The following NAV2 variants were observed in gnomAD, a reference collection of about 807,000 sequenced individuals.
NAV2 encodes neuron navigator 2, also known as helicase, APC down-regulated 1.
A neutral mutation model predicts 223.2 loss-of-function variants in NAV2; 54 were observed. The ratio of observed to expected loss-of-function variants is 0.24; its 90% CI spans 0.19 to 0.30. NAV2 has a LOEUF of 0.30. Among genes scored for constraint, NAV2 ranks in the 10% least tolerant of loss-of-function variants. NAV2 has a pLI of 1.00. For missense variants in NAV2, 2,806 were observed against 3,147.5 expected (o/e 0.89, Z 2.60); for synonymous variants, 1,279 against 1,239.3 (o/e 1.03, Z -0.67).
intron 1 of NAV2, among the ~76,000 whole-genome samples, chr11:19,576,999 G>A (rs969289662): frequency 6.6e-6 from 1 of 152,182 alleles, no homozygotes; most frequent in African/African-American, 2.4e-5. Context: ...GTATCTTACA[G>A]CAGGAATTTG....
At chr11:19,460,757 C>T (rs370472650) in intron 1 of NAV2, among the ~76,000 whole-genome samples, 7 of 151,948 alleles carry the variant, frequency 4.6e-5, no homozygotes, top group East Asian at 3.9e-4. Flanking sequence ...CTGCATGTTG[C>T]GCACATGTAT....
chr11:19,766,103 T>C (rs889854778), intron 1 of NAV2, among the ~76,000 whole-genome samples: 2 of 151,948 alleles, frequency 1.3e-5, no homozygotes, highest in African/African-American at 4.8e-5. Flanking sequence ...TATATCCATA[T>C]AAGGACAATT....
At chr11:19,664,854 A>C (rs2048369162) in intron 1 of NAV2, among the ~76,000 whole-genome samples, 1 of 152,212 alleles carries the variant, frequency 6.6e-6, no homozygotes, top group Non-Finnish European at 1.5e-5. Flanking sequence ...TGTGCTAGAC[A>C]TATTTATATT....
At chr11:19,654,073 C>T (rs560311847) in intron 1 of NAV2, among the ~76,000 whole-genome samples, 5 of 152,294 alleles carry the variant, frequency 3.3e-5, no homozygotes, top group Non-Finnish European at 7.3e-5. Context: ...GTGCAAAAAC[C>T]ACAAGCATTC....
chr11:19,859,554 A>C (rs1038144200), intron 3 of NAV2, among the ~76,000 whole-genome samples: 4 of 151,444 alleles, frequency 2.6e-5, no homozygotes, highest in Non-Finnish European at 5.9e-5. Flanking sequence ...CTACACAGAC[A>C]CGGCAACCAT....
intron 1 of NAV2, among the ~76,000 whole-genome samples, chr11:19,545,086 C>G (rs1476358202): frequency 6.6e-6 from 1 of 152,220 alleles, no homozygotes; most frequent in African/African-American, 2.4e-5. Context: ...CCCTTTCCCT[C>G]CCATGAAGTC....
intron 7 of NAV2, among the ~76,000 whole-genome samples, chr11:19,936,355 C>T (rs746999099): frequency 1.3e-4 from 19 of 151,872 alleles, no homozygotes; most frequent in Non-Finnish European, 2.2e-4. Context: ...TTTTGTTGTT[C>T]GCTATAATCA....
At chr11:20,074,444 T>C (rs2153650830) in intron 22 of NAV2, among the ~76,000 whole-genome samples, 1 of 152,352 alleles carries the variant, frequency 6.6e-6, no homozygotes, top group South Asian at 2.1e-4. Context: ...AGATGTCTAT[T>C]AGGTGTGCTT....
At chr11:19,831,967 G>C (rs755535147) in intron 1 of NAV2, among the ~76,000 whole-genome samples, 1 of 152,268 alleles carries the variant, frequency 6.6e-6, no homozygotes, top group Non-Finnish European at 1.5e-5. Flanking sequence ...AATTGAAGGG[G>C]CTCTGTTTTC....
intron 32 of NAV2, among the ~76,000 whole-genome samples, chr11:20,102,917 C>T (rs1189567847): frequency 6.6e-6 from 1 of 152,194 alleles, no homozygotes; most frequent in African/African-American, 2.4e-5. Context: ...GGCTCCTCTG[C>T]TGCTCTGATG....
chr11:19,757,361 G>A (rs966524476), intron 1 of NAV2, among the ~76,000 whole-genome samples: 2 of 152,146 alleles, frequency 1.3e-5, no homozygotes, highest in African/African-American at 2.4e-5. Flanking sequence ...CAGCATGGCA[G>A]AGTTTCTCCA....
chr11:19,424,297 C>A (rs1038291767), intron 1 of NAV2, among the ~76,000 whole-genome samples: 1 of 152,128 alleles, frequency 6.6e-6, no homozygotes, highest in Admixed American at 6.5e-5. Context: ...ATTACTAGTT[C>A]TCTAAGTATT....
intron 11 of NAV2, among the ~76,000 whole-genome samples, chr11:19,993,879 CT>C (rs1452676363): frequency 1.3e-5 from 2 of 152,212 alleles, no homozygotes; most frequent in Non-Finnish European, 2.9e-5. Flanking sequence ...TTAGAATTTA[CT>C]GAGCACCTAC....
intron 5 of NAV2, among the ~76,000 whole-genome samples, chr11:19,891,625 C>G (rs1342664142): frequency 6.6e-6 from 1 of 152,134 alleles, no homozygotes; most frequent in Non-Finnish European, 1.5e-5. Context: ...CAAAATAATG[C>G]CTTTGGAGAC....
At chr11:20,108,960 T>C (rs974853894) in intron 36 of NAV2, among the ~76,000 whole-genome samples, 1 of 152,188 alleles carries the variant, frequency 6.6e-6, no homozygotes, top group Admixed American at 6.5e-5. Context: ...TTCCAAGAGT[T>C]TTTTTGTTTC....
At chr11:20,085,058 G>C (rs1473165177) in intron 26 of NAV2, among the ~76,000 whole-genome samples, 1 of 117,588 alleles carries the variant, frequency 8.5e-6, no homozygotes, top group Non-Finnish European at 1.9e-5. Flanking sequence ...GTCAGGCATG[G>C]TGTTGCATAC....
chr11:19,823,064 T>C (rs1051114929), intron 1 of NAV2, among the ~76,000 whole-genome samples: 8 of 152,204 alleles, frequency 5.3e-5, no homozygotes, highest in Non-Finnish European at 8.8e-5. Flanking sequence ...AGAGTTTTGT[T>C]TGAGACAGGG....
At chr11:20,073,535 G>A (rs2059536112) in intron 22 of NAV2, among the ~76,000 whole-genome samples, 1 of 152,090 alleles carries the variant, frequency 6.6e-6, no homozygotes, top group Non-Finnish European at 1.5e-5. Flanking sequence ...TGTACCTCTG[G>A]TAAAATTTGG....
intron 1 of NAV2, among the ~76,000 whole-genome samples, chr11:19,702,805 G>GTAA (rs71443737): frequency 2.0e-4 from 7 of 34,424 alleles, no homozygotes; most frequent in African/African-American, 2.4e-4. Flanking sequence ...AATAATAATA[G>GTAA]TAATAATAAT....
Sources: allele counts gnomAD v4.1 joint callset (sites outside exome capture counted in the v4.1 genomes callset), GRCh38; gene constraint gnomAD v4.1.1; transcripts MANE v1.5; gene names NCBI Gene and HGNC (gene_info 2026-07-23, HGNC 2026-07-21).